Variants in GET1 observed in about 807,000 individuals in gnomAD.
GET1 encodes guided entry of tail-anchored proteins factor 1, also known as congenital heart disease 5 protein.
In GET1, 20 loss-of-function variants were observed where a neutral mutation model predicts 22.6. The ratio of observed to expected loss-of-function variants is 0.89; its 90% CI spans 0.62 to 1.29. GET1 has a LOEUF of 1.29. Among genes scored for constraint, GET1 ranks in the 50% most tolerant of loss-of-function variants. The pLI, the probability that GET1 is intolerant of heterozygous loss-of-function variation, is 0.00. For missense variants in GET1, 209 were observed against 219.9 expected (o/e 0.95, Z 0.31); for synonymous variants, 92 against 83.8 (o/e 1.10, Z -0.53).
chr21:39,412,932 C>T lies in GET1; in HGVS notation c.*23+1995C>T, dbSNP rs556985251. 1.1e-4 allele frequency among the ~76,000 whole-genome samples: 17 copies of T among 152,312 alleles called. No homozygotes were observed. In the East Asian group the frequency reaches 3.3e-3, roughly 29 times the overall value. On this transcript the variant is annotated intron_variant, in intron 1 of 1. Transcript: ENST00000478273. ...AGTGGGACCTGTGGAGGGAGCTGCA[C>T]CTGCCCTGGAGTCCTTAAGGTTACA...
chr21:39,396,685 CAAA>C (rs5843962), intron 4 of GET1, among the ~76,000 whole-genome samples, 178 bp from the exon 5 acceptor site: 20 of 97,866 alleles, frequency 2.0e-4, no homozygotes, highest in South Asian at 3.6e-4. Context: ...GACTCCGTCT[CAAA>C]AAAAAAAAAA....
At chr21:39,386,307 G>A (rs1361273809) in intron 1 of GET1, 1 of 152,296 alleles carries the variant, frequency 6.6e-6, no homozygotes, top group Non-Finnish European at 1.5e-5. Flanking sequence ...CCCTGCCATG[G>A]ACCAGGCTTG....
chr21:39,383,948 C>T (rs1020591381), intron 1 of GET1, among the ~76,000 whole-genome samples: 43 of 152,006 alleles, frequency 2.8e-4, no homozygotes, highest in African/African-American at 1.4e-4. Context: ...GCCATGTTGG[C>T]GAGGCTGGTC....
chr21:39,387,474 G>C (rs1008873549), intron 1 of GET1, among the ~76,000 whole-genome samples: 1 of 152,210 alleles, frequency 6.6e-6, no homozygotes, highest in Admixed American at 6.5e-5. Flanking sequence ...ATTCATCTAA[G>C]AGAATTTGGC....
chr21:39,423,105 C>T (rs145757018), intron 1 of GET1: 1,080 of 1,613,886 alleles, frequency 6.7e-4, no homozygotes, highest in Non-Finnish European at 8.6e-4. Context: ...CTTTAGTCTT[C>T]AGTAACTGGC....
intron 4 of GET1, among the ~76,000 whole-genome samples, chr21:39,396,382 G>A (rs923619516): frequency 2.0e-4 from 30 of 152,156 alleles, no homozygotes; most frequent in Admixed American, 1.9e-3. Context: ...CAAAAAATTA[G>A]CCGGGTGCGG....
chr21:39,393,185 T>A lies in GET1; in HGVS notation c.356T>A (p.Leu119His). 1 of 1,614,198 alleles carries A rather than the reference T, an allele frequency of 6.2e-7. No individual in the cohort carries two copies. The highest frequency in any genetic ancestry group is 8.5e-7 in the Non-Finnish European group (1 of 1,180,018). The stretch of plus-strand genomic sequence containing the variant: ...TTACAGGCTGCCCTGATGATCTCAC[T>A]CATTTGGAAGTATTATTCTGTCCCT... The part of the protein sequence containing the change: ...YVLQAALMIS[L>H]IWKYYSVPVA... Residue 119 changes from leucine (L) to histidine (H), a missense_variant, in exon 4 of 5, where the codon CTC becomes CAC. By Grantham distance (99) the Leu-to-His change is moderately conservative. Coordinates refer to ENST00000649170, the MANE Select transcript of GET1 (RefSeq NM_004627.6).
At chr21:39,417,774 ATT>A (rs960729340) in intron 1 of GET1, among the ~76,000 whole-genome samples, 2 of 150,644 alleles carry the variant, frequency 1.3e-5, no homozygotes, top group African/African-American at 4.9e-5. Context: ...TTAATTTTTA[ATT>A]TTTTTTTGAG....
intron 1 of GET1, among the ~76,000 whole-genome samples, chr21:39,416,828 G>A (rs1292039346): frequency 6.6e-6 from 1 of 152,030 alleles, no homozygotes; most frequent in Admixed American, 6.5e-5. Flanking sequence ...AAAGTTATTT[G>A]TGTCCTTACA....
At chr21:39,422,705 G>A in intron 1 of GET1, 1 of 521,614 alleles carries the variant, frequency 1.9e-6, no homozygotes, top group South Asian at 3.3e-5. Flanking sequence ...CTCTCTTAGA[G>A]AATGGTCATT....
chr21:39,393,132 C>T, intron 3 of GET1, 34 bp from the exon 4 acceptor site: 2 of 1,574,266 alleles, frequency 1.3e-6, no homozygotes, highest in Non-Finnish European at 1.7e-6. Context: ...GTGTGATTGG[C>T]AGGCTGCTTT....
chr21:39,412,474 G>C (rs2040257414), intron 1 of GET1, among the ~76,000 whole-genome samples: 1 of 152,200 alleles, frequency 6.6e-6, no homozygotes, highest in South Asian at 2.1e-4. Flanking sequence ...TGTACACCAG[G>C]AGGCAAGAAA....
intron 4 of GET1, among the ~76,000 whole-genome samples, chr21:39,405,410 TC>T (rs1420726762): frequency 6.6e-6 from 1 of 152,170 alleles, no homozygotes; most frequent in African/African-American, 2.4e-5. Flanking sequence ...GCCAGGCTGG[TC>T]TTAAACTCCT....
At chr21:39,396,259 G>A (rs114727125) in intron 4 of GET1, among the ~76,000 whole-genome samples, 4,071 of 152,172 alleles carry the variant, frequency 0.027, 65 homozygotes, top group African/African-American at 0.049. Flanking sequence ...GCCGGGTGTC[G>A]GCCGGGTGCG....
At chr21:39,387,005 G>A (rs1476751822) in intron 1 of GET1, among the ~76,000 whole-genome samples, 1 of 151,982 alleles carries the variant, frequency 6.6e-6, no homozygotes, top group African/African-American at 2.4e-5. Context: ...GACCACAGGC[G>A]TGCACCACCA....
intron 1 of GET1, among the ~76,000 whole-genome samples, chr21:39,387,099 A>T (rs922039496): frequency 6.6e-6 from 1 of 152,124 alleles, no homozygotes; most frequent in African/African-American, 2.4e-5. Context: ...GGCTCAAACG[A>T]TCTTCCCGCG....
At chr21:39,423,059 T>C (rs140897767) in intron 1 of GET1, 1 of 1,614,038 alleles carries the variant, frequency 6.2e-7, no homozygotes, top group African/African-American at 1.3e-5. Flanking sequence ...GCAAGGTTTT[T>C]GTCTTCAGAA....
chr21:39,387,177 A>G (rs1401236157), intron 1 of GET1, among the ~76,000 whole-genome samples: 2 of 152,140 alleles, frequency 1.3e-5, no homozygotes, highest in East Asian at 3.8e-4. Context: ...GTGCTTATAC[A>G]TGTAATAGAT....
At chr21:39,392,810 AC>A (rs1407764871) in intron 3 of GET1, 4 of 210,210 alleles carry the variant, frequency 1.9e-5, no homozygotes, top group African/African-American at 2.3e-5. Context: ...AGAAAAGCAC[AC>A]CCGTGTTATG....
Sources: gnomAD v4.1 joint callset for allele counts (sites outside exome capture counted in the v4.1 genomes callset) on GRCh38, gnomAD v4.1.1 for gene constraint, MANE v1.5 for transcripts, NCBI Gene and HGNC (gene_info 2026-07-23, HGNC 2026-07-21) for gene names.